The following PUS10 variants were observed in gnomAD, a reference collection of about 807,000 sequenced individuals.
PUS10 encodes pseudouridine synthase 10.
A neutral mutation model predicts 75.0 loss-of-function variants in PUS10; 59 were observed. The ratio of observed to expected loss-of-function variants is 0.79; its 90% CI spans 0.64 to 0.98. PUS10 has a LOEUF of 0.98. Among genes scored for constraint, PUS10 ranks in the 50% least tolerant of loss-of-function variants. PUS10 has a pLI of 0.00. For synonymous variants in PUS10, 219 were observed against 211.6 expected (o/e 1.03, Z -0.30); for missense variants, 650 against 614.4 (o/e 1.06, Z -0.61).
At chr2:60,999,611 C>A (rs905820876) in intron 4 of PUS10, among the ~76,000 whole-genome samples, 1 of 152,008 alleles carries the variant, frequency 6.6e-6, no homozygotes, top group Admixed American at 6.6e-5. Context: ...CAGAGAGAGA[C>A]CCCATCTCAA....
chr2:61,011,682 G>A, intron 2 of PUS10, 83 bp downstream of exon 2: 1 of 974,558 alleles, frequency 1.0e-6, no homozygotes, highest in Non-Finnish European at 1.4e-6. Context: ...ATAGATACCT[G>A]CCCTCAAAAG....
At chr2:61,012,016 T>C in intron 1 of PUS10, 111 bp from the exon 2 acceptor site, 1 of 745,810 alleles carries the variant, frequency 1.3e-6, no homozygotes, top group Non-Finnish European at 2.0e-6. Context: ...CACTATTGTG[T>C]ACTCTCTAAC....
intron 4 of PUS10, among the ~76,000 whole-genome samples, chr2:60,977,857 A>G (rs1351058957): frequency 6.6e-6 from 1 of 152,216 alleles, no homozygotes; most frequent in Non-Finnish European, 1.5e-5. Flanking sequence ...GAAGGTATTC[A>G]ATTTATTTAG....
At chr2:61,016,141 A>G (rs968158632) in intron 1 of PUS10, among the ~76,000 whole-genome samples, 1 of 152,226 alleles carries the variant, frequency 6.6e-6, no homozygotes, top group Non-Finnish European at 1.5e-5. Flanking sequence ...TATCATGCAA[A>G]GTAAATAAAT....
chr2:60,989,668 T>C lies in PUS10; in HGVS notation c.468+16889A>G, dbSNP rs182357433. Among the ~76,000 whole-genome samples, 78 of 152,194 alleles carry C rather than the reference T, an allele frequency of 5.1e-4. 1 individual carries two copies. In the East Asian group the frequency reaches 0.014, roughly 27 times the overall value. ...TTTTTCTGAGACAGAGTTTCACTCT[T>C]GTTGCCCAAGTGCAATCTCAGCTCA... On this transcript the variant is annotated intron_variant, in intron 4 of 17. Transcript: ENST00000316752.
intron 4 of PUS10, among the ~76,000 whole-genome samples, chr2:60,986,959 T>A (rs1296751558): frequency 6.6e-6 from 1 of 152,240 alleles, no homozygotes. Flanking sequence ...AGATAGTTTA[T>A]GAGAATGTTA....
intron 4 of PUS10, among the ~76,000 whole-genome samples, chr2:60,993,853 G>A (rs972853261): frequency 1.3e-4 from 20 of 151,956 alleles, no homozygotes; most frequent in Admixed American, 3.3e-4. Flanking sequence ...GCAGTGGCGC[G>A]ATCTCGGCTC....
At chr2:60,979,895 T>G (rs186814257) in intron 4 of PUS10, among the ~76,000 whole-genome samples, 1 of 152,264 alleles carries the variant, frequency 6.6e-6, no homozygotes, top group African/African-American at 2.4e-5. Context: ...AATTAGGTTT[T>G]ACAGCTCTAT....
Position 60,948,058 on chromosome 2 carries a change from T to A in PUS10, c.1436A>T (p.Lys479Ile), listed in dbSNP as rs751747494. The change falls in exon 16 of 18, where the codon AAA becomes ATA. Residue 479 changes from lysine (K) to isoleucine (I), a missense_variant. Lys to Ile is a moderately radical substitution (Grantham distance 102, BLOSUM62 -3). Coordinates refer to ENST00000316752, the MANE Select transcript of PUS10 (RefSeq NM_144709.4). ...VDEHHFRLHL[K>I]TQAGTYIKEF... ...GGAAGGATACGTGCCAGCCTGAGTT[T>A]TCAAGTGGAGGCGGAAGTGGTGCTC... 8 of 1,614,088 alleles carry A rather than the reference T, an allele frequency of 5.0e-6. No homozygotes were observed. Among genetic ancestry groups the A allele is most frequent in the Non-Finnish European group, 4.2e-6 (5 of 1,180,008 alleles).
chr2:60,952,852 C>A, intron 15 of PUS10, 145 bp downstream of exon 15: 1 of 564,794 alleles, frequency 1.8e-6, no homozygotes. Context: ...TTCAGCTAGT[C>A]AGTGGCAGAA....
At chr2:60,964,107 A>G (rs115472712) in intron 8 of PUS10, among the ~76,000 whole-genome samples, 3,932 of 152,210 alleles carry the variant, frequency 0.026, 155 homozygotes, top group African/African-American at 0.089. Flanking sequence ...ATCTGAAGCA[A>G]CTCCATCCTG....
intron 1 of PUS10, among the ~76,000 whole-genome samples, chr2:61,012,579 C>A (rs1044094479): frequency 1.3e-5 from 2 of 150,858 alleles, no homozygotes; most frequent in Non-Finnish European, 2.9e-5. Context: ...GTAATCCCAG[C>A]ATTTTGGGAG....
intron 4 of PUS10, among the ~76,000 whole-genome samples, chr2:61,000,639 A>G (rs1033284188): frequency 1.3e-5 from 2 of 152,194 alleles, no homozygotes; most frequent in African/African-American, 4.8e-5. Flanking sequence ...CCATTATGTT[A>G]TAATCACATC....
chr2:60,992,206 G>T (rs1373662364), intron 4 of PUS10, among the ~76,000 whole-genome samples: 2 of 151,966 alleles, frequency 1.3e-5, no homozygotes, highest in African/African-American at 2.4e-5. Context: ...AGTAGAGACG[G>T]GTTTTCGCCA....
At chr2:60,957,418 C>G (rs940958039) in intron 11 of PUS10, among the ~76,000 whole-genome samples, 10 of 152,218 alleles carry the variant, frequency 6.6e-5, no homozygotes, top group African/African-American at 2.2e-4. Flanking sequence ...AGTGGGGGAA[C>G]ATGTAGTACC....
chr2:60,956,930 A>C (rs1344219049), intron 11 of PUS10, among the ~76,000 whole-genome samples: 1 of 141,268 alleles, frequency 7.1e-6, no homozygotes, highest in African/African-American at 2.8e-5. Flanking sequence ...AGCCGAGATC[A>C]CACCACTGCA....
intron 4 of PUS10, among the ~76,000 whole-genome samples, chr2:60,996,132 G>A (rs1405013625): frequency 3.3e-5 from 5 of 152,234 alleles, no homozygotes; most frequent in African/African-American, 7.2e-5. Context: ...TCACAGGAAT[G>A]TGATTTGTTC....
At chr2:60,960,620 G>A (rs1229702433) in intron 10 of PUS10, 103 bp from the exon 11 acceptor site, 15 of 1,081,576 alleles carry the variant, frequency 1.4e-5, no homozygotes, top group South Asian at 4.9e-5. Context: ...TAAGTGCTAC[G>A]ATATAAAACA....
chr2:61,009,262 C>A lies in PUS10; in HGVS notation c.127-247G>T, dbSNP rs184659224. 2.7e-3 allele frequency among the ~76,000 whole-genome samples: 407 copies of A among 152,210 alleles called. 3 individuals are homozygous for A. Among genetic ancestry groups the A allele is most frequent in the Non-Finnish European group, 4.6e-3 (316 of 67,990 alleles). Reference sequence around the variant, plus strand: ...AAAAGAGTTCCATATATCAGTGAAGCAAAAGTCATAAATCTGAGGAGAAAG... The same window carrying A: ...AAAAGAGTTCCATATATCAGTGAAGAAAAAGTCATAAATCTGAGGAGAAAG... On this transcript the variant is annotated intron_variant, in intron 2 of 17. Transcript: ENST00000316752.
Sources: allele counts gnomAD v4.1 joint callset (sites outside exome capture counted in the v4.1 genomes callset), GRCh38; gene constraint gnomAD v4.1.1; transcripts MANE v1.5; gene names NCBI Gene and HGNC (gene_info 2026-07-23, HGNC 2026-07-21).